The following SLC18A2 variants were observed in gnomAD, a reference collection of about 807,000 sequenced individuals.
SLC18A2 encodes the protein synaptic vesicular amine transporter.
A neutral mutation model predicts 59.2 loss-of-function variants in SLC18A2; 33 were observed. That is an observed-to-expected ratio of 0.56 (90% CI 0.42 to 0.75). The LOEUF (loss-of-function observed/expected upper bound fraction) is 0.75. SLC18A2 is among the 30% of genes least tolerant of loss of function. The pLI, the probability that SLC18A2 is intolerant of heterozygous loss-of-function variation, is 0.00. For synonymous variants in SLC18A2, 228 were observed against 253.5 expected (o/e 0.90, Z 0.95); for missense variants, 569 against 668.6 (o/e 0.85, Z 1.64).
intron 10 of SLC18A2, 98 bp from the exon 11 acceptor site, chr10:117,266,635 A>G: frequency 1.0e-6 from 1 of 965,376 alleles, no homozygotes; most frequent in East Asian, 2.4e-5. Context: ...GCTTCGTTTT[A>G]TCTGCTCTCA....
chr10:117,241,618 G>A (rs1430222983), intron 1 of SLC18A2, 61 bp from the exon 2 acceptor site: 4 of 1,465,712 alleles, frequency 2.7e-6, no homozygotes, highest in African/African-American at 1.5e-5. Context: ...CGCGGCCTGG[G>A]GGACGGGAGA....
Position 117,277,201 on chromosome 10 carries a change from A to C in SLC18A2, c.1480A>C (p.Met494Leu). ...MDHNCPIKTK[M>L]YTQNNIQSYP... ...TCACAACTGCCCTATTAAAACAAAA[A>C]TGTACACTCAGAATAATATCCAGTC... The change falls in exon 16 of 16, where the codon ATG becomes CTG. Residue 494 changes from methionine to leucine, a missense_variant. Physicochemically the swap from Met to Leu is conservative, Grantham distance 15. This residue lies in a region of SLC18A2 where 192 missense variants were observed against 278.8 expected (regional missense o/e 0.69). Coordinates refer to ENST00000644641, the MANE Select transcript of SLC18A2 (RefSeq NM_003054.6). 2 of 1,612,212 alleles carry C rather than the reference A, an allele frequency of 1.2e-6. No individual in the cohort carries two copies. Among genetic ancestry groups the C allele is most frequent in the Non-Finnish European group, 1.7e-6 (2 of 1,178,764 alleles).
At chr10:117,241,920 A>G in intron 2 of SLC18A2, 106 bp downstream of exon 2, 2 of 1,164,490 alleles carry the variant, frequency 1.7e-6, no homozygotes, top group Non-Finnish European at 2.3e-6. Context: ...AAGGCCCGGG[A>G]AAGTTGGAGA....
chr10:117,252,183 CA>C lies in SLC18A2; in HGVS notation c.465-1215del, dbSNP rs1359031170. Among the ~76,000 whole-genome samples, 19 of 116,640 alleles carry C rather than the reference CA, an allele frequency of 1.6e-4. 1 individual carries two copies. In the Admixed American group the frequency reaches 2.2e-3, roughly 13 times the overall value. 76.5% of individuals were successfully genotyped at this position (116,640 alleles called of 152,430 possible). A position where few individuals can be genotyped will look rare whatever the true frequency, so the allele number is the denominator to read the frequency against. On this transcript the variant is annotated intron_variant, in intron 3 of 15. Transcript: ENST00000644641. ...TTTTTTAGTACAGACAGGGTTTTGC[CA>C]TGTTGCCCAGGCTGGTCTTGAACTC...
intron 9 of SLC18A2, among the ~76,000 whole-genome samples, chr10:117,256,759 C>A (rs1448002263): frequency 6.6e-6 from 1 of 152,148 alleles, no homozygotes; most frequent in Non-Finnish European, 1.5e-5. Flanking sequence ...GCTTCTGGAA[C>A]CCTGGCATCT....
intron 10 of SLC18A2, among the ~76,000 whole-genome samples, chr10:117,263,236 C>T (rs1031155054): frequency 6.6e-6 from 1 of 152,174 alleles, no homozygotes; most frequent in Non-Finnish European, 1.5e-5. Flanking sequence ...GGCTCCCTGA[C>T]CCTGGGGATG....
intron 3 of SLC18A2, among the ~76,000 whole-genome samples, chr10:117,248,300 C>T (rs1235818435): frequency 3.7e-4 from 57 of 152,178 alleles, no homozygotes; most frequent in Admixed American, 3.7e-3. Flanking sequence ...TAAGTTCTCA[C>T]ACCAAACCCT....
At chr10:117,255,133 T>C (rs1262513029) in intron 6 of SLC18A2, 144 bp from the exon 7 acceptor site, 2 of 731,450 alleles carry the variant, frequency 2.7e-6, no homozygotes, top group East Asian at 5.4e-5. Context: ...AACTGAACTC[T>C]AACCGAACAG....
rs11568722 is a variant in SLC18A2, at chr10:117,244,035, G to A, written c.186G>A (p.Thr62=). The change falls in exon 3 of 16, where the codon ACG becomes ACA. Residue 62 remains threonine (T), a synonymous_variant. Transcript: ENST00000644641. ...KHEKNATEIQ[T]ARPVHTASIS... ...AGAAGAATGCTACAGAAATCCAGAC[G>A]GCCAGGCCAGTGCACACTGCCTCCA... 526 of 1,614,118 alleles carry A rather than the reference G, an allele frequency of 3.3e-4. No homozygotes were observed. Among genetic ancestry groups the A allele is most frequent in the Non-Finnish European group, 3.4e-4 (402 of 1,180,038 alleles).
At chr10:117,266,308 G>A (rs1176739818) in intron 10 of SLC18A2, among the ~76,000 whole-genome samples, 1 of 152,058 alleles carries the variant, frequency 6.6e-6, no homozygotes, top group African/African-American at 2.4e-5. Context: ...GTAATGGATG[G>A]GGTTTGGGGT....
intron 15 of SLC18A2, 113 bp downstream of exon 15, chr10:117,270,576 CT>C: frequency 7.9e-7 from 1 of 1,263,464 alleles, no homozygotes; most frequent in Non-Finnish European, 1.1e-6. Context: ...GTGAGAATTC[CT>C]TTTTAGTTTG....
chr10:117,253,987 G>C (rs899216264), intron 4 of SLC18A2, 61 bp from the exon 5 acceptor site: 1 of 1,505,254 alleles, frequency 6.6e-7, no homozygotes, highest in African/African-American at 1.4e-5. Flanking sequence ...AAACGTTCCT[G>C]TTTGGGACGG....
chr10:117,245,700 G>A (rs954936376), intron 3 of SLC18A2, among the ~76,000 whole-genome samples: 34 of 152,094 alleles, frequency 2.2e-4, no homozygotes, highest in Non-Finnish European at 3.2e-4. Flanking sequence ...AGCCCTGTGC[G>A]ACTCTAGGGT....
intron 3 of SLC18A2, among the ~76,000 whole-genome samples, chr10:117,251,943 G>A (rs532727827): frequency 6.4e-4 from 97 of 151,770 alleles, no homozygotes; most frequent in African/African-American, 2.2e-3. Context: ...AAATGAAGGC[G>A]CTATGATTAT....
In SLC18A2 at chr10:117,244,116, C is replaced by T. The variant is rs138664880; in HGVS notation, c.267C>T (p.Thr89=). Residue 89 remains threonine, a synonymous_variant, in exon 3 of 16, where the codon ACC becomes ACT. Coordinates refer to ENST00000644641, the MANE Select transcript of SLC18A2 (RefSeq NM_003054.6). Reference sequence around the variant, plus strand: ...ATTATGATAACTCGACTATGGTCACCGGGAATGCTACCAGAGACCTGACAC... The same window carrying T: ...ATTATGATAACTCGACTATGGTCACTGGGAATGCTACCAGAGACCTGACAC... The part of the protein sequence containing the change: ...FSYYDNSTMV[T]GNATRDLTLH... 6.6e-5 allele frequency: 107 copies of T among 1,614,052 alleles called. No homozygotes were observed. The highest frequency in any genetic ancestry group is 8.6e-5 in the Non-Finnish European group (102 of 1,180,036).
Position 117,277,259 on chromosome 10 carries a change from GTGAC to G in SLC18A2, c.1542_1545del (p.Asp514GlufsTer20). ...ATAGGTGAAGATGAAGAATCTGAAA[GTGAC>G]TGAGATGAGATCCTCAAAAATCATC... On this transcript the variant is annotated frameshift_variant, in exon 16 of 16. Coordinates refer to ENST00000644641, the MANE Select transcript of SLC18A2 (RefSeq NM_003054.6). LOFTEE classifies it high-confidence loss of function. 6.3e-7 allele frequency: 1 copy of G among 1,587,904 alleles called. No individual in the cohort carries two copies. Among genetic ancestry groups the G allele is most frequent in the Non-Finnish European group, 8.6e-7 (1 of 1,158,364 alleles).
At chr10:117,260,991 T>A in intron 10 of SLC18A2, among the ~76,000 whole-genome samples, 1 of 152,210 alleles carries the variant, frequency 6.6e-6, no homozygotes, top group South Asian at 2.1e-4. Context: ...TGTGCTTTGC[T>A]AGTTTTAAGG....
intron 2 of SLC18A2, among the ~76,000 whole-genome samples, chr10:117,242,178 A>G (rs995023247): frequency 2.6e-5 from 4 of 152,234 alleles, no homozygotes; most frequent in African/African-American, 9.6e-5. Context: ...TTATTGGGCT[A>G]CTCGAAAAGG....
chr10:117,259,770 G>T (rs1413878580), intron 10 of SLC18A2, among the ~76,000 whole-genome samples: 1 of 152,100 alleles, frequency 6.6e-6, no homozygotes, highest in Admixed American at 6.6e-5. Context: ...TCTTCTCTAG[G>T]TTATAAAAGT....
Sources: allele counts gnomAD v4.1 joint callset (sites outside exome capture counted in the v4.1 genomes callset), GRCh38; gene constraint gnomAD v4.1.1; regional missense constraint gnomAD v4.1.1; transcripts MANE v1.5; gene names NCBI Gene and HGNC (gene_info 2026-07-23, HGNC 2026-07-21).